Variants in IL7R observed in about 807,000 individuals in gnomAD.
IL7R encodes the protein interleukin 7 receptor.
A neutral mutation model predicts 47.0 loss-of-function variants in IL7R; 38 were observed. That is an observed-to-expected ratio of 0.81 (90% CI 0.62 to 1.06). IL7R has a LOEUF of 1.06. Ranked by LOEUF, IL7R falls within the 50% of genes least tolerant of loss-of-function variation. The pLI is 0.00. For missense variants in IL7R, 633 were observed against 534.8 expected (o/e 1.18, Z -1.81); for synonymous variants, 221 against 199.8 (o/e 1.11, Z -0.89).
chr5:35,862,988 T>C (rs1450938064), intron 2 of IL7R, among the ~76,000 whole-genome samples: 1 of 151,924 alleles, frequency 6.6e-6, no homozygotes, highest in African/African-American at 2.4e-5. Flanking sequence ...CCTAAGCTTA[T>C]TCCCTGGTAT....
At chr5:35,870,284 T>TAACA (rs1296188893) in intron 3 of IL7R, among the ~76,000 whole-genome samples, 6 of 152,178 alleles carry the variant, frequency 3.9e-5, no homozygotes, top group African/African-American at 1.4e-4. Flanking sequence ...CATTTGATAC[T>TAACA]AACAGCAACC....
intron 3 of IL7R, among the ~76,000 whole-genome samples, chr5:35,868,122 C>T (rs554901379): frequency 6.6e-6 from 1 of 152,276 alleles, no homozygotes; most frequent in South Asian, 2.1e-4. Context: ...GTATTGTACT[C>T]TTGAGACAGA....
rs764440449 is a variant in IL7R, at chr5:35,867,403, A to G, written c.319A>G (p.Ile107Val). Residue 107 changes from isoleucine to valine, a missense_variant, in exon 3 of 8, where the codon ATA (isoleucine) becomes GTA (valine). Transcript: ENST00000303115. The part of the protein sequence containing the change: ...KKFLLIGKSN[I>V]CVKVGEKSLT... ...ATTCTTACTGATTGGAAAGAGCAAT[A>G]TATGTGTGAAGGTTGGAGAAAAGAG... 12 of 1,613,332 alleles carry G rather than the reference A, an allele frequency of 7.4e-6. No individual in the cohort carries two copies. The South Asian group carries it at 1.2e-4, about 16-fold the overall frequency.
intron 4 of IL7R, among the ~76,000 whole-genome samples, chr5:35,872,490 G>A (rs1298196059): frequency 6.6e-6 from 1 of 151,648 alleles, no homozygotes; most frequent in African/African-American, 2.4e-5. Flanking sequence ...AAGCCAACAC[G>A]CCAGCCAAAA....
chr5:35,865,393 T>C (rs1759916191), intron 2 of IL7R, among the ~76,000 whole-genome samples: 1 of 152,240 alleles, frequency 6.6e-6, no homozygotes, highest in Non-Finnish European at 1.5e-5. Context: ...AAGTCTTTGC[T>C]ATTGTGAATA....
Position 35,876,235 on chromosome 5 carries a change from T to C in IL7R, c.1129T>C (p.Cys377Arg), listed in dbSNP as rs2149905806. 1.9e-6 allele frequency: 3 copies of C among 1,614,146 alleles called. No homozygotes were observed. Among genetic ancestry groups the C allele is most frequent in the East Asian group, 2.2e-5 (1 of 44,868 alleles). ...ATGCCTGGCTGGGAATGTCAGTGCATGTGACGCCCCTATTCTCTCCTCTTC... is the reference window on the plus strand; with the variant it reads ...ATGCCTGGCTGGGAATGTCAGTGCACGTGACGCCCCTATTCTCTCCTCTTC... ...LTCLAGNVSA[C>R]DAPILSSSRS... The change falls in exon 8 of 8, where the codon TGT (cysteine) becomes CGT (arginine). Residue 377 changes from cysteine (C) to arginine (R), a missense_variant. Transcript: ENST00000303115.
intron 1 of IL7R, among the ~76,000 whole-genome samples, chr5:35,858,951 C>T (rs1476175481): frequency 1.3e-5 from 2 of 152,160 alleles, no homozygotes; most frequent in Non-Finnish European, 2.9e-5. Flanking sequence ...CCACTGTGTA[C>T]ATTAACTACT....
At chr5:35,864,859 T>A (rs1190427198) in intron 2 of IL7R, among the ~76,000 whole-genome samples, 1 of 152,120 alleles carries the variant, frequency 6.6e-6, no homozygotes, top group Non-Finnish European at 1.5e-5. Context: ...TGTAGTGCTT[T>A]TTGTATCCTT....
At chr5:35,873,019 T>TA (rs1554067055) in intron 4 of IL7R, among the ~76,000 whole-genome samples, 3 of 142,762 alleles carry the variant, frequency 2.1e-5, no homozygotes, top group East Asian at 4.0e-4. Context: ...ATTGATAGAG[T>TA]GGTTTTTTTT....
intron 1 of IL7R, among the ~76,000 whole-genome samples, chr5:35,859,507 G>C (rs1371739685): frequency 6.6e-6 from 1 of 152,116 alleles, no homozygotes; most frequent in Non-Finnish European, 1.5e-5. Context: ...AAGAGCTTTT[G>C]CTGGTGGCAG....
intron 1 of IL7R, among the ~76,000 whole-genome samples, chr5:35,858,123 T>C (rs1759705019): frequency 6.6e-6 from 1 of 152,178 alleles, no homozygotes; most frequent in Admixed American, 6.5e-5. Context: ...ACATAAATCT[T>C]ACTCTCTTTC....
intron 2 of IL7R, among the ~76,000 whole-genome samples, chr5:35,866,959 A>G (rs1054303817): frequency 2.0e-5 from 3 of 152,032 alleles, no homozygotes; most frequent in African/African-American, 7.2e-5. Flanking sequence ...ATATATTCCT[A>G]TGGAACATCA....
intron 3 of IL7R, 106 bp from the exon 4 acceptor site, chr5:35,870,950 T>C (rs1419421686): frequency 2.0e-6 from 2 of 977,942 alleles, no homozygotes; most frequent in East Asian, 2.4e-5. Flanking sequence ...GGCCATTTAC[T>C]GACACAAAAA....
At chr5:35,871,801 G>T (rs1760080451) in intron 4 of IL7R, among the ~76,000 whole-genome samples, 2 of 152,128 alleles carry the variant, frequency 1.3e-5, no homozygotes, top group Admixed American at 6.5e-5. Flanking sequence ...AATTTATTTT[G>T]GGGAGGAGGT....
chr5:35,864,287 T>C (rs1759886778), intron 2 of IL7R, among the ~76,000 whole-genome samples: 4 of 152,170 alleles, frequency 2.6e-5, no homozygotes, highest in Non-Finnish European at 5.9e-5. Flanking sequence ...TGATGAACAT[T>C]TGTGTTTTTT....
chr5:35,860,876 A>G lies in IL7R; in HGVS notation c.107A>G (p.Asp36Gly). 4 of 1,613,628 alleles carry G rather than the reference A, an allele frequency of 2.5e-6. No homozygotes were observed. Among genetic ancestry groups the G allele is most frequent in the Non-Finnish European group, 3.4e-6 (4 of 1,179,584 alleles). The change falls in exon 2 of 8, where the codon GAT (aspartate) becomes GGT (glycine). Residue 36 changes from aspartate to glycine, a missense_variant. Coordinates refer to ENST00000303115, the MANE Select transcript of IL7R (RefSeq NM_002185.5). ...QNGDLEDAEL[D>G]DYSFSCYSQL... ...GGAGACTTGGAAGATGCAGAACTGG[A>G]TGACTACTCATTCTCATGCTATAGC...
chr5:35,861,238 T>C (rs1049173170), intron 2 of IL7R, among the ~76,000 whole-genome samples: 1 of 152,044 alleles, frequency 6.6e-6, no homozygotes, highest in African/African-American at 2.4e-5. Context: ...GGATCCCACA[T>C]CCCTCCCAAC....
intron 4 of IL7R, among the ~76,000 whole-genome samples, chr5:35,871,652 CTTTGT>C (rs1760077878): frequency 3.3e-5 from 5 of 152,120 alleles, no homozygotes. Flanking sequence ...TAATGTTTGC[CTTTGT>C]TTTGTTTTTA....
intron 2 of IL7R, 42 bp from the exon 3 acceptor site, chr5:35,867,264 C>T (rs990680780): frequency 1.3e-6 from 2 of 1,571,942 alleles, no homozygotes; most frequent in Non-Finnish European, 1.8e-6. Flanking sequence ...CATACAGGAA[C>T]TCCTACCTGA....
Sources: gnomAD v4.1 joint callset for allele counts (sites outside exome capture counted in the v4.1 genomes callset) on GRCh38, gnomAD v4.1.1 for gene constraint, MANE v1.5 for transcripts, NCBI Gene and HGNC (gene_info 2026-07-23, HGNC 2026-07-21) for gene names.